Variants in BBS9 observed in about 807,000 individuals in gnomAD.
BBS9 encodes the protein Bardet-Biedl syndrome 9, also known as protein PTHB1.
Under a neutral mutation model 117.7 loss-of-function variants are expected in BBS9, and 89 were observed. The ratio of observed to expected loss-of-function variants is 0.76; its 90% CI spans 0.64 to 0.90. The LOEUF (loss-of-function observed/expected upper bound fraction) is 0.90, where lower values mean the gene tolerates loss of function less well. Ranked by LOEUF, BBS9 falls within the 40% of genes least tolerant of loss-of-function variation. BBS9 has a pLI of 0.00. For missense variants in BBS9, 982 were observed against 1,042.2 expected (o/e 0.94, Z 0.80); for synonymous variants, 379 against 370.9 (o/e 1.02, Z -0.25).
At chr7:33,385,264 A>G (rs1325143935) in intron 18 of BBS9, among the ~76,000 whole-genome samples, 5 of 152,188 alleles carry the variant, frequency 3.3e-5, no homozygotes, top group African/African-American at 1.2e-4. Flanking sequence ...GACTTAGAGA[A>G]TATGGTGAAT....
At chr7:33,368,220 A>T (rs1045477953) in intron 17 of BBS9, among the ~76,000 whole-genome samples, 6 of 152,156 alleles carry the variant, frequency 3.9e-5, no homozygotes, top group African/African-American at 1.4e-4. Flanking sequence ...GTATATGGTG[A>T]ACTAGATTTG....
intron 19 of BBS9, among the ~76,000 whole-genome samples, chr7:33,477,403 C>G (rs1841946722): frequency 6.6e-6 from 1 of 152,164 alleles, no homozygotes; most frequent in African/African-American, 2.4e-5. Context: ...TATCCTCCCC[C>G]AAACACTTCT....
chr7:33,433,747 A>G (rs1319144539), intron 19 of BBS9, among the ~76,000 whole-genome samples: 1 of 152,106 alleles, frequency 6.6e-6, no homozygotes, highest in Non-Finnish European at 1.5e-5. Context: ...GAAATAAGAG[A>G]TTAATATGAG....
intron 20 of BBS9, among the ~76,000 whole-genome samples, chr7:33,527,517 G>GC (rs1849783979): frequency 6.6e-6 from 1 of 152,186 alleles, no homozygotes; most frequent in Non-Finnish European, 1.5e-5. Context: ...TTTTCCAGGT[G>GC]CGTCCGTCAC....
intron 19 of BBS9, among the ~76,000 whole-genome samples, chr7:33,399,670 A>C (rs1828590615): frequency 2.0e-5 from 3 of 152,172 alleles, no homozygotes; most frequent in African/African-American, 7.2e-5. Flanking sequence ...TTCAGAAATC[A>C]ATGGGGACTT....
intron 21 of BBS9, among the ~76,000 whole-genome samples, chr7:33,579,229 A>G (rs182249947): frequency 1.2e-3 from 187 of 152,334 alleles, no homozygotes; most frequent in African/African-American, 4.4e-3. Flanking sequence ...CCTCCAAAAA[A>G]GACAAACCAC....
intron 19 of BBS9, among the ~76,000 whole-genome samples, chr7:33,444,008 C>T (rs1409755900): frequency 6.6e-6 from 1 of 152,196 alleles, no homozygotes; most frequent in Non-Finnish European, 1.5e-5. Flanking sequence ...ATTACCTCCT[C>T]AGGTTTGAAG....
intron 19 of BBS9, among the ~76,000 whole-genome samples, chr7:33,448,060 G>A (rs148907029): frequency 1.5e-3 from 225 of 152,096 alleles, no homozygotes; most frequent in African/African-American, 5.0e-3. Flanking sequence ...GATGTGTTCC[G>A]CAGTTCTGGC....
intron 5 of BBS9, among the ~76,000 whole-genome samples, chr7:33,220,117 A>G (rs1402098740): frequency 1.3e-5 from 2 of 152,174 alleles, no homozygotes; most frequent in Non-Finnish European, 2.9e-5. Flanking sequence ...CCAATTCCGG[A>G]CACAGTTTCA....
intron 16 of BBS9, among the ~76,000 whole-genome samples, chr7:33,365,536 T>G (rs1326298818): frequency 1.3e-5 from 2 of 152,182 alleles, no homozygotes; most frequent in African/African-American, 2.4e-5. Flanking sequence ...GATGCTAGGG[T>G]ACTCCCAATC....
At chr7:33,269,482 C>G (rs375334844) in intron 7 of BBS9, among the ~76,000 whole-genome samples, 1 of 152,140 alleles carries the variant, frequency 6.6e-6, no homozygotes, top group African/African-American at 2.4e-5. Flanking sequence ...ACCCTTGGCT[C>G]CAACCACTGC....
chr7:33,333,748 T>C (rs11982544), intron 9 of BBS9, among the ~76,000 whole-genome samples: 26,034 of 151,778 alleles, frequency 0.17, 2,450 homozygotes, highest in South Asian at 0.22. Context: ...GTAGCTGGGA[T>C]TGTAGGTGCC....
intron 17 of BBS9, among the ~76,000 whole-genome samples, chr7:33,373,524 G>A (rs991709354): frequency 2.0e-5 from 3 of 152,068 alleles, no homozygotes; most frequent in Non-Finnish European, 2.9e-5. Flanking sequence ...TTGGATTTTG[G>A]ATTTTTGGAT....
chr7:33,513,803 CA>C (rs548497982), intron 20 of BBS9, among the ~76,000 whole-genome samples: 2 of 152,146 alleles, frequency 1.3e-5, no homozygotes, highest in South Asian at 4.1e-4. Flanking sequence ...CAAGTGAAAG[CA>C]ACTGTTAGGT....
chr7:33,295,685 AG>A (rs890340266), intron 9 of BBS9, among the ~76,000 whole-genome samples: 7 of 152,058 alleles, frequency 4.6e-5, no homozygotes, highest in African/African-American at 1.7e-4. Flanking sequence ...GATACGGTTA[AG>A]AGAGAACTTA....
intron 16 of BBS9, among the ~76,000 whole-genome samples, chr7:33,365,938 G>A (rs1465414775): frequency 1.3e-5 from 2 of 152,334 alleles, no homozygotes; most frequent in Middle Eastern, 3.4e-3. Flanking sequence ...GTAGGACCTC[G>A]GGTGTGAGCT....
intron 19 of BBS9, among the ~76,000 whole-genome samples, chr7:33,454,085 G>A (rs1342443419): frequency 6.6e-6 from 1 of 152,106 alleles, no homozygotes; most frequent in Non-Finnish European, 1.5e-5. Flanking sequence ...AGCCTTTGGG[G>A]TCTCTTCCCT....
chr7:33,143,092 C>T (rs1791775462), intron 1 of BBS9, among the ~76,000 whole-genome samples: 1 of 152,108 alleles, frequency 6.6e-6, no homozygotes, highest in African/African-American at 2.4e-5. Context: ...GCCTTAGCCT[C>T]CCGAGTAGCT....
intron 5 of BBS9, among the ~76,000 whole-genome samples, chr7:33,222,413 G>A (rs1408398785): frequency 6.6e-6 from 1 of 152,068 alleles, no homozygotes; most frequent in Admixed American, 6.5e-5. Context: ...TTTCAACAGG[G>A]AATTCTAATA....
Sources: allele counts gnomAD v4.1 joint callset (sites outside exome capture counted in the v4.1 genomes callset), GRCh38; gene constraint gnomAD v4.1.1; transcripts MANE v1.5; gene names NCBI Gene and HGNC (gene_info 2026-07-23, HGNC 2026-07-21).